Variants in NBAS observed in about 807,000 individuals in gnomAD.
The protein encoded by NBAS is NAG/BC035112 fusion.
A neutral mutation model predicts 302.5 loss-of-function variants in NBAS; 219 were observed. The observed-to-expected ratio is 0.72, with a 90% CI of 0.65 to 0.81. The LOEUF (loss-of-function observed/expected upper bound fraction) is 0.81. NBAS is among the 30% of genes least tolerant of loss of function. The probability of loss-of-function intolerance (pLI) is 0.00; values close to 1 mark genes in which losing one functional copy is unlikely to be tolerated. For missense variants in NBAS, 2,932 were observed against 2,841.6 expected, an observed-to-expected ratio of 1.03 and a Z score of -0.72; for synonymous variants, 1,118 against 1,021.6, an observed-to-expected ratio of 1.09 and a Z score of -1.80.
intron 47 of NBAS, among the ~76,000 whole-genome samples, chr2:15,221,930 C>T (rs1666965399): frequency 6.6e-6 from 1 of 152,196 alleles, no homozygotes; most frequent in South Asian, 2.1e-4. Flanking sequence ...TTGGCCCAGA[C>T]TCACTGCCCA....
At chr2:15,536,369 C>G (rs1403098268) in intron 8 of NBAS, 49 bp downstream of exon 8, 1 of 1,583,836 alleles carries the variant, frequency 6.3e-7, no homozygotes, top group Admixed American at 1.7e-5. Context: ...GACATTAAAC[C>G]AGAGAAATAA....
the NBAS span, among the ~76,000 whole-genome samples, chr2:15,032,927 C>A: frequency 6.6e-6 from 1 of 152,238 alleles, no homozygotes; most frequent in South Asian, 2.1e-4. Flanking sequence ...TCATGGCTAT[C>A]TCTTTGATTT....
At chr2:15,099,198 A>G in the NBAS span, among the ~76,000 whole-genome samples, 5 of 151,926 alleles carry the variant, frequency 3.3e-5, no homozygotes, top group East Asian at 9.7e-4. Flanking sequence ...AGCTACTCAG[A>G]AGGCTGAGGC....
intron 30 of NBAS, among the ~76,000 whole-genome samples, chr2:15,379,024 C>A (rs1674893823): frequency 6.6e-6 from 1 of 151,946 alleles, no homozygotes; most frequent in African/African-American, 2.4e-5. Context: ...TTGGGTATAC[C>A]TAATTACGAG....
the NBAS span, among the ~76,000 whole-genome samples, chr2:15,008,849 G>GGTA: frequency 6.6e-6 from 1 of 152,112 alleles, no homozygotes; most frequent in Non-Finnish European, 1.5e-5. Flanking sequence ...TATGGGTCTA[G>GGTA]GTATTCCCAC....
the NBAS span, among the ~76,000 whole-genome samples, chr2:14,832,678 G>A: frequency 6.6e-6 from 1 of 152,158 alleles, no homozygotes; most frequent in East Asian, 1.9e-4. Context: ...AGAACCAGCT[G>A]GGAAGTTTTC....
chr2:14,964,168 CAGAAAAATA>C, the NBAS span, among the ~76,000 whole-genome samples: 1 of 152,100 alleles, frequency 6.6e-6, no homozygotes, highest in Non-Finnish European at 1.5e-5. Context: ...TGCAAAGCAG[CAGAAAAATA>C]CTAATCACAA....
At chr2:15,261,792 C>T (rs746581795) in intron 44 of NBAS, among the ~76,000 whole-genome samples, 3 of 152,184 alleles carry the variant, frequency 2.0e-5, no homozygotes, top group Non-Finnish European at 2.9e-5. Context: ...TGAGCACATA[C>T]AGGCCTTAAC....
Position 15,500,969 on chromosome 2 carries a change from A to G in NBAS, c.954+3176T>C, listed in dbSNP as rs573524544. Reference sequence around the variant, plus strand: ...AAGATCCAAGCCAATATCCTTGATAAAAGAATATAAATAATTCTTATTTTA... The same window carrying G: ...AAGATCCAAGCCAATATCCTTGATAGAAGAATATAAATAATTCTTATTTTA... On this transcript the variant is annotated intron_variant, in intron 11 of 51. Transcript: ENST00000281513. 7.9e-5 allele frequency among the ~76,000 whole-genome samples: 12 copies of G among 151,994 alleles called. No individual in the cohort carries two copies. In the South Asian group the frequency reaches 1.5e-3, roughly 18 times the overall value.
the NBAS span, among the ~76,000 whole-genome samples, chr2:14,880,651 A>G: frequency 6.6e-6 from 1 of 152,032 alleles, no homozygotes; most frequent in East Asian, 1.9e-4. Context: ...AAATAAGATG[A>G]AAAAGACCAA....
chr2:15,259,134 A>G (rs1668737556), intron 44 of NBAS, among the ~76,000 whole-genome samples: 1 of 152,210 alleles, frequency 6.6e-6, no homozygotes, highest in South Asian at 2.1e-4. Flanking sequence ...AAAATAACTG[A>G]ATATAGATTT....
At chr2:15,211,558 T>A (rs2147863808) in intron 48 of NBAS, among the ~76,000 whole-genome samples, 1 of 152,362 alleles carries the variant, frequency 6.6e-6, no homozygotes, top group East Asian at 1.9e-4. Flanking sequence ...TTCACATACT[T>A]TTATTTTTCG....
At chr2:15,360,416 T>A (rs541064849) in intron 32 of NBAS, among the ~76,000 whole-genome samples, 1 of 150,632 alleles carries the variant, frequency 6.6e-6, no homozygotes, top group South Asian at 2.1e-4. Context: ...TTTACATAAC[T>A]CACTGTAACC....
At chr2:15,319,358 G>A (rs773219637) in intron 38 of NBAS, among the ~76,000 whole-genome samples, 1 of 151,884 alleles carries the variant, frequency 6.6e-6, no homozygotes, top group African/African-American at 2.4e-5. Flanking sequence ...AAGAGCAAAC[G>A]AATGTAAAAG....
intron 51 of NBAS, among the ~76,000 whole-genome samples, chr2:15,174,921 C>T (rs1256449777): frequency 6.6e-6 from 1 of 152,206 alleles, no homozygotes; most frequent in Non-Finnish European, 1.5e-5. Flanking sequence ...TAATTATTGT[C>T]ATCAAGGAGA....
chr2:15,016,861 T>C, the NBAS span, among the ~76,000 whole-genome samples: 1 of 152,058 alleles, frequency 6.6e-6, no homozygotes, highest in Non-Finnish European at 1.5e-5. Flanking sequence ...TTAATTTCTG[T>C]ACATAGTAGG....
At chr2:15,242,612 A>G (rs1345649188) in intron 44 of NBAS, among the ~76,000 whole-genome samples, 1 of 151,990 alleles carries the variant, frequency 6.6e-6, no homozygotes, top group Non-Finnish European at 1.5e-5. Flanking sequence ...AAGTAAAAGA[A>G]AGAAATGATT....
At chr2:15,147,567 G>C in the NBAS span, among the ~76,000 whole-genome samples, 1 of 151,856 alleles carries the variant, frequency 6.6e-6, no homozygotes, top group South Asian at 2.1e-4. Context: ...ACTCCAGCCT[G>C]GGCAACAAGA....
chr2:14,910,550 G>C, the NBAS span, among the ~76,000 whole-genome samples: 1 of 152,208 alleles, frequency 6.6e-6, no homozygotes, highest in Non-Finnish European at 1.5e-5. Flanking sequence ...GAGACAAGAG[G>C]TAGTTGGGAG....
Sources: gnomAD v4.1 joint callset for allele counts (sites outside exome capture counted in the v4.1 genomes callset) on GRCh38, gnomAD v4.1.1 for gene constraint, MANE v1.5 for transcripts, NCBI Gene and HGNC (gene_info 2026-07-23, HGNC 2026-07-21) for gene names.